Variants in ENOX1 observed in about 807,000 individuals in gnomAD.
The protein encoded by ENOX1 is ecto-NOX disulfide-thiol exchanger 1.
A neutral mutation model predicts 82.5 loss-of-function variants in ENOX1; 42 were observed. The ratio of observed to expected loss-of-function variants is 0.51; its 90% CI spans 0.40 to 0.66. The LOEUF is 0.66. ENOX1 is among the 30% of genes least tolerant of loss of function. ENOX1 has a pLI of 0.00. For missense variants in ENOX1, 608 were observed against 811.6 expected, an observed-to-expected ratio of 0.75 and a Z score of 3.05; for synonymous variants, 271 against 282.2, an observed-to-expected ratio of 0.96 and a Z score of 0.40.
intron 2 of ENOX1, among the ~76,000 whole-genome samples, chr13:43,519,094 C>T (rs983467216): frequency 4.6e-5 from 7 of 152,146 alleles, no homozygotes; most frequent in Non-Finnish European, 1.0e-4. Context: ...ACAACAACAA[C>T]AACCCTGAGC....
At chr13:43,734,199 GGTT>G (rs143259339) in intron 1 of ENOX1, among the ~76,000 whole-genome samples, 2,235 of 151,084 alleles carry the variant, frequency 0.015, 42 homozygotes, top group African/African-American at 0.047. Flanking sequence ...TTTTGTTGTT[GGTT>G]GTTGTTGTTG....
intron 14 of ENOX1, among the ~76,000 whole-genome samples, chr13:43,245,351 C>T (rs181625228): frequency 4.4e-4 from 67 of 152,278 alleles, no homozygotes; most frequent in African/African-American, 1.5e-3. Context: ...TTGGACCTTC[C>T]CTTCAGATTC....
chr13:43,754,350 TTTA>T (rs199926058), intron 1 of ENOX1, among the ~76,000 whole-genome samples: 8 of 127,908 alleles, frequency 6.3e-5, no homozygotes, highest in East Asian at 2.0e-4. Context: ...ATTATTATTA[TTTA>T]TTTTTTTTTT....
In ENOX1 at chr13:43,521,822, G is replaced by A. The variant is rs138338478; in HGVS notation, c.-218-37670C>T. ...AGGCTTCATTCAGTGCTCAGTGGAC[G>A]GTGTAGGCTCAGTACATGCTTTTTT... On this transcript the variant is annotated intron_variant, in intron 2 of 16. Coordinates refer to ENST00000690772, the MANE Select transcript of ENOX1 (RefSeq NM_001347969.2). Among the ~76,000 whole-genome samples, 30 of 152,164 alleles carry A rather than the reference G, an allele frequency of 2.0e-4. No individual in the cohort carries two copies. In the East Asian group the frequency reaches 5.4e-3, roughly 28 times the overall value.
intron 1 of ENOX1, among the ~76,000 whole-genome samples, chr13:43,689,665 C>T (rs2086255319): frequency 6.6e-6 from 1 of 152,206 alleles, no homozygotes; most frequent in Non-Finnish European, 1.5e-5. Context: ...ATAAATCAAG[C>T]TCTCTCTATA....
chr13:43,502,147 AC>A (rs1247562858), intron 2 of ENOX1, among the ~76,000 whole-genome samples: 7 of 151,626 alleles, frequency 4.6e-5, no homozygotes, highest in African/African-American at 1.4e-4. Flanking sequence ...ATTATTAGAA[AC>A]ACAGGACCTA....
intron 3 of ENOX1, among the ~76,000 whole-genome samples, chr13:43,464,141 A>G (rs182984470): frequency 6.6e-6 from 1 of 152,328 alleles, no homozygotes; most frequent in Admixed American, 6.5e-5. Flanking sequence ...ATTTCTGAAG[A>G]GTTTTTGAGG....
chr13:43,767,711 T>A (rs1594746172), intron 1 of ENOX1, among the ~76,000 whole-genome samples: 1 of 152,350 alleles, frequency 6.6e-6, no homozygotes, highest in East Asian at 1.9e-4. Flanking sequence ...GCAGGGTCTG[T>A]CATACACAGC....
At chr13:43,702,289 C>T (rs2086949357) in intron 1 of ENOX1, among the ~76,000 whole-genome samples, 1 of 152,196 alleles carries the variant, frequency 6.6e-6, no homozygotes, top group Non-Finnish European at 1.5e-5. Flanking sequence ...AATAGCACTT[C>T]TCACAAGTTC....
At chr13:43,405,989 G>A (rs1189256916) in intron 5 of ENOX1, among the ~76,000 whole-genome samples, 1 of 152,212 alleles carries the variant, frequency 6.6e-6, no homozygotes. Context: ...AAGCATGACA[G>A]TAAGGTCTAT....
chr13:43,335,450 T>C (rs532427743), intron 9 of ENOX1, among the ~76,000 whole-genome samples: 17 of 152,276 alleles, frequency 1.1e-4, no homozygotes, highest in African/African-American at 4.1e-4. Flanking sequence ...TTTTGTCCAG[T>C]GTAGCTCAGA....
chr13:43,717,176 A>G (rs1302204931), intron 1 of ENOX1, among the ~76,000 whole-genome samples: 1 of 152,236 alleles, frequency 6.6e-6, no homozygotes, highest in Non-Finnish European at 1.5e-5. Flanking sequence ...ACAGCACGGT[A>G]CTGGTACAAA....
chr13:43,593,192 C>T (rs9533538), intron 2 of ENOX1, among the ~76,000 whole-genome samples: 147,933 of 152,268 alleles, frequency 0.97, 71,996 homozygotes, highest in Non-Finnish European at 1. Context: ...TACCTTCCTA[C>T]AGGCTTTGGA....
intron 2 of ENOX1, among the ~76,000 whole-genome samples, chr13:43,560,635 T>C (rs1162688205): frequency 1.3e-5 from 2 of 152,194 alleles, no homozygotes; most frequent in Non-Finnish European, 1.5e-5. Context: ...TCATCTGTCA[T>C]GTGTACTGCA....
chr13:43,653,544 T>A (rs1324661077), intron 2 of ENOX1, among the ~76,000 whole-genome samples: 1 of 152,342 alleles, frequency 6.6e-6, no homozygotes, highest in East Asian at 1.9e-4. Flanking sequence ...ATATTGTGAA[T>A]TTGCATGCAT....
intron 11 of ENOX1, among the ~76,000 whole-genome samples, chr13:43,306,064 C>CT (rs2046841618): frequency 6.6e-6 from 1 of 152,202 alleles, no homozygotes; most frequent in Non-Finnish European, 1.5e-5. Context: ...CATCCTCACA[C>CT]TGTGTAGTGG....
At chr13:43,440,053 C>T (rs2056277647) in intron 3 of ENOX1, among the ~76,000 whole-genome samples, 1 of 152,062 alleles carries the variant, frequency 6.6e-6, no homozygotes, top group Non-Finnish European at 1.5e-5. Flanking sequence ...TAAGACAGCC[C>T]CTTACATCAG....
chr13:43,339,420 T>G (rs185294478), intron 9 of ENOX1, among the ~76,000 whole-genome samples: 16 of 152,318 alleles, frequency 1.1e-4, no homozygotes, highest in Admixed American at 9.1e-4. Flanking sequence ...ATTCAACCAA[T>G]TGGTTATTTC....
Position 43,700,858 on chromosome 13 carries a change from T to C in ENOX1, c.-284-33314A>G, listed in dbSNP as rs564335819. On this transcript the variant is annotated intron_variant, in intron 1 of 16. Coordinates refer to ENST00000690772, the MANE Select transcript of ENOX1 (RefSeq NM_001347969.2). ...TTCATCATGATACAAGACTTTAAGA[T>C]ATAATGATTGTGAAAGTCACCCAAC... Among the ~76,000 whole-genome samples the C allele has an allele frequency of 4.6e-5, 7 of 152,288 alleles. No homozygotes were observed. The South Asian group carries it at 1.5e-3, about 32-fold the overall frequency.
Sources: gnomAD v4.1 joint callset for allele counts (sites outside exome capture counted in the v4.1 genomes callset) on GRCh38, gnomAD v4.1.1 for gene constraint, MANE v1.5 for transcripts, NCBI Gene and HGNC (gene_info 2026-07-23, HGNC 2026-07-21) for gene names.